The following CAMK1D variants were observed in gnomAD, a reference collection of about 807,000 sequenced individuals.
CAMK1D encodes the protein calcium/calmodulin dependent protein kinase ID.
In CAMK1D, 9 loss-of-function variants were observed where a neutral mutation model predicts 47.7. The ratio of observed to expected loss-of-function variants is 0.19; its 90% CI spans 0.11 to 0.33. The LOEUF is 0.33. CAMK1D is among the 10% of genes least tolerant of loss of function. The pLI is 1.00. For missense variants in CAMK1D, 291 were observed against 488.7 expected (o/e 0.60, Z 3.81); for synonymous variants, 184 against 184.9 (o/e 0.99, Z 0.04).
At chr10:12,405,820 T>G (rs1343535142) in intron 1 of CAMK1D, among the ~76,000 whole-genome samples, 2 of 152,254 alleles carry the variant, frequency 1.3e-5, no homozygotes, top group Non-Finnish European at 2.9e-5. Context: ...TGTTAAACAT[T>G]TATTACAAGT....
chr10:12,675,942 T>G (rs1410014797), intron 3 of CAMK1D, among the ~76,000 whole-genome samples: 1 of 144,964 alleles, frequency 6.9e-6, no homozygotes, highest in Non-Finnish European at 1.5e-5. Context: ...TTTTTTATGT[T>G]TTGTTTGTTT....
chr10:12,429,830 C>T (rs1443668715), intron 1 of CAMK1D, among the ~76,000 whole-genome samples: 4 of 152,176 alleles, frequency 2.6e-5, no homozygotes, highest in Admixed American at 6.5e-5. Flanking sequence ...CTGCACTCCA[C>T]GCAAGGTTTC....
intron 1 of CAMK1D, among the ~76,000 whole-genome samples, chr10:12,465,273 C>T (rs894195969): frequency 1.3e-5 from 2 of 152,158 alleles, no homozygotes; most frequent in Non-Finnish European, 2.9e-5. Context: ...GAGAGTTTTG[C>T]ATATAATTAA....
At chr10:12,524,535 G>A (rs892016953) in intron 1 of CAMK1D, among the ~76,000 whole-genome samples, 14 of 151,860 alleles carry the variant, frequency 9.2e-5, no homozygotes, top group African/African-American at 1.7e-4. Context: ...GTGAAAACCC[G>A]TCTCTACTAA....
At chr10:12,461,687 CAAA>C (rs57291391) in intron 1 of CAMK1D, among the ~76,000 whole-genome samples, 8 of 90,384 alleles carry the variant, frequency 8.9e-5, no homozygotes, top group Admixed American at 1.3e-4. Flanking sequence ...GGCTTCATCT[CAAA>C]AAAAAAAAAA....
chr10:12,380,819 G>A (rs567596888), intron 1 of CAMK1D, among the ~76,000 whole-genome samples: 6 of 152,172 alleles, frequency 3.9e-5, no homozygotes, highest in Non-Finnish European at 8.8e-5. Context: ...TTGCACCACT[G>A]CACTTCAGCC....
chr10:12,762,242 A>C (rs1836544935), intron 4 of CAMK1D, among the ~76,000 whole-genome samples: 1 of 152,214 alleles, frequency 6.6e-6, no homozygotes, highest in Non-Finnish European at 1.5e-5. Flanking sequence ...ATTCCACCCC[A>C]GCACACATAC....
chr10:12,451,908 C>T (rs1227895597), intron 1 of CAMK1D, among the ~76,000 whole-genome samples: 1 of 152,144 alleles, frequency 6.6e-6, no homozygotes. Flanking sequence ...CCTTCGACCA[C>T]CGGGGTCCCA....
rs541852111 is a variant in CAMK1D at position 12,643,297 on chromosome 10, G to A, written c.225-23439G>A. ...ATTACAGGCGTGAGCCATCGTGCCCGGCCACATTTTGTTTTCATGCAGTCT... is the reference window on the plus strand; with the variant it reads ...ATTACAGGCGTGAGCCATCGTGCCCAGCCACATTTTGTTTTCATGCAGTCT... On this transcript the variant is annotated intron_variant, in intron 2 of 10. Transcript: ENST00000619168. Among the ~76,000 whole-genome samples the A allele has an allele frequency of 1.2e-4, 19 of 152,238 alleles. No individual in the cohort carries two copies. The South Asian group carries it at 3.5e-3, about 28-fold the overall frequency.
intron 7 of CAMK1D, among the ~76,000 whole-genome samples, chr10:12,814,924 A>G (rs1419136995): frequency 6.6e-6 from 1 of 152,190 alleles, no homozygotes; most frequent in Admixed American, 6.6e-5. Flanking sequence ...TCTTCTAGCC[A>G]TGCCCTGTTC....
At chr10:12,781,878 C>T in intron 5 of CAMK1D, among the ~76,000 whole-genome samples, 1 of 152,018 alleles carries the variant, frequency 6.6e-6, no homozygotes, top group East Asian at 1.9e-4. Flanking sequence ...AAACTCCTGA[C>T]CTCAGGTGAC....
intron 5 of CAMK1D, among the ~76,000 whole-genome samples, chr10:12,781,161 G>A (rs567857241): frequency 6.6e-6 from 1 of 152,338 alleles, no homozygotes; most frequent in South Asian, 2.1e-4. Context: ...GTGGGAAAGA[G>A]GGGGAGGGCA....
chr10:12,767,287 C>A (rs540565181), intron 4 of CAMK1D, among the ~76,000 whole-genome samples: 2 of 152,272 alleles, frequency 1.3e-5, no homozygotes, highest in Non-Finnish European at 2.9e-5. Context: ...AAGTGATTCT[C>A]CTGCCTCAGC....
In CAMK1D at chr10:12,372,394, T is replaced by G. The variant is rs549054393; in HGVS notation, c.92+22484T>G. 1.2e-3 allele frequency among the ~76,000 whole-genome samples: 178 copies of G among 152,330 alleles called. 1 individual carries two copies. The highest frequency in any genetic ancestry group is 3.8e-3 in the African/African-American group (160 of 41,580). On this transcript the variant is annotated intron_variant, in intron 1 of 10. Transcript: ENST00000619168. ...CAAGGTCACATAGACCTATCTGTCT[T>G]GAAGAATTGGGATTTGAACGTCAGT...
In CAMK1D at chr10:12,824,510, C is replaced by T. The variant is rs1833128514; in HGVS notation, c.879C>T (p.Val293=). The stretch of plus-strand genomic sequence containing the variant: ...TCAACAAAAACATCCACGAGTCCGT[C>T]AGCGCCCAGATCCGGAAAAACTTTG... ...TALNKNIHES[V]SAQIRKNFAK... The change falls in exon 9 of 11, where the codon GTC becomes GTT. Residue 293 remains valine, a synonymous_variant. Coordinates refer to ENST00000619168, the MANE Select transcript of CAMK1D (RefSeq NM_153498.4). The T allele has an allele frequency of 6.2e-7, 1 of 1,614,034 alleles. No individual in the cohort carries two copies. The highest frequency in any genetic ancestry group is 1.3e-5 in the African/African-American group (1 of 74,924).
At chr10:12,623,140 CCTCCCTT>C (rs1564451334) in intron 2 of CAMK1D, among the ~76,000 whole-genome samples, 5 of 17,800 alleles carry the variant, frequency 2.8e-4, no homozygotes, top group African/African-American at 9.6e-4. Context: ...TCCCTCCCTT[CCTCCCTT>C]CCTTCCTCCC....
intron 2 of CAMK1D, among the ~76,000 whole-genome samples, chr10:12,662,962 T>G (rs1385707983): frequency 2.0e-5 from 3 of 152,188 alleles, no homozygotes; most frequent in African/African-American, 7.2e-5. Flanking sequence ...TTTGTTTTTG[T>G]TTTCGTTTTT....
At chr10:12,536,511 T>G (rs1015044509) in intron 1 of CAMK1D, among the ~76,000 whole-genome samples, 1 of 152,142 alleles carries the variant, frequency 6.6e-6, no homozygotes, top group African/African-American at 2.4e-5. Flanking sequence ...TCTCCTGAGC[T>G]CAGGTGATCC....
At chr10:12,532,523 T>C (rs1222827752) in intron 1 of CAMK1D, among the ~76,000 whole-genome samples, 2 of 152,176 alleles carry the variant, frequency 1.3e-5, no homozygotes, top group East Asian at 1.9e-4. Flanking sequence ...TCGTGATCCG[T>C]CCGCCTCGGC....
Sources: allele counts gnomAD v4.1 joint callset (sites outside exome capture counted in the v4.1 genomes callset), GRCh38; gene constraint gnomAD v4.1.1; transcripts MANE v1.5; gene names NCBI Gene and HGNC (gene_info 2026-07-23, HGNC 2026-07-21).